Variants in NDST3 observed in about 807,000 individuals in gnomAD.
NDST3 encodes the protein N-deacetylase and N-sulfotransferase 3, also known as bifunctional heparan sulfate N-deacetylase/N-sulfotransferase 3.
NDST3 carries 58 observed loss-of-function variants against 96.1 expected under a neutral mutation model. That is an observed-to-expected ratio of 0.60 (90% CI 0.49 to 0.75). NDST3 has a LOEUF of 0.75. Among genes scored for constraint, NDST3 ranks in the 30% least tolerant of loss-of-function variants. The pLI is 0.00. For missense variants in NDST3, 788 were observed against 1,034.2 expected (o/e 0.76, Z 3.27); for synonymous variants, 333 against 359.7 (o/e 0.93, Z 0.84).
chr4:118,217,267 A>G (rs949771925), intron 6 of NDST3, among the ~76,000 whole-genome samples: 11 of 152,100 alleles, frequency 7.2e-5, no homozygotes, highest in Non-Finnish European at 1.6e-4. Context: ...TGCCCTGAGC[A>G]CAGAAGGGGT....
intron 12 of NDST3, among the ~76,000 whole-genome samples, chr4:118,242,631 A>G (rs1473791444): frequency 6.6e-6 from 1 of 152,156 alleles, no homozygotes; most frequent in Admixed American, 6.5e-5. Context: ...ATCGCTCCTA[A>G]ACAAACGTCC....
intron 7 of NDST3, 146 bp downstream of exon 7, chr4:118,224,819 T>A (rs1234415940): frequency 1.5e-6 from 1 of 652,664 alleles, no homozygotes; most frequent in African/African-American, 1.8e-5. Flanking sequence ...CTTCCTAAAC[T>A]GTAGTTGTAT....
intron 7 of NDST3, among the ~76,000 whole-genome samples, chr4:118,226,573 T>C (rs942996006): frequency 6.6e-6 from 1 of 152,134 alleles, no homozygotes; most frequent in Non-Finnish European, 1.5e-5. Context: ...GCATAATCTC[T>C]GCCCAGTAAG....
chr4:118,169,052 A>C (rs564121963), intron 6 of NDST3, among the ~76,000 whole-genome samples: 1 of 152,314 alleles, frequency 6.6e-6, no homozygotes, highest in Non-Finnish European at 1.5e-5. Context: ...CACACCTATA[A>C]TTAACAATAC....
intron 2 of NDST3, among the ~76,000 whole-genome samples, chr4:118,076,061 T>C (rs1388169238): frequency 6.6e-6 from 1 of 152,204 alleles, no homozygotes; most frequent in Non-Finnish European, 1.5e-5. Context: ...TTATGATGCT[T>C]AGTTTGGCTG....
chr4:118,193,092 C>G (rs1737420905), intron 6 of NDST3, among the ~76,000 whole-genome samples: 1 of 152,116 alleles, frequency 6.6e-6, no homozygotes, highest in African/African-American at 2.4e-5. Flanking sequence ...TACCACTTGC[C>G]TCTTCTACCC....
chr4:118,201,437 A>G (rs191371366), intron 6 of NDST3, among the ~76,000 whole-genome samples: 1 of 152,238 alleles, frequency 6.6e-6, no homozygotes, highest in Admixed American at 6.5e-5. Flanking sequence ...CCACATCTTC[A>G]CCAGCATCTG....
intron 3 of NDST3, among the ~76,000 whole-genome samples, chr4:118,111,454 A>G (rs1730625516): frequency 1.3e-5 from 2 of 152,176 alleles, no homozygotes; most frequent in South Asian, 4.1e-4. Flanking sequence ...AGGGAAGCAA[A>G]GAGTGGGCAA....
chr4:118,107,107 A>T (rs71627753), intron 3 of NDST3, among the ~76,000 whole-genome samples: 1 of 151,704 alleles, frequency 6.6e-6, no homozygotes, highest in African/African-American at 2.4e-5. Context: ...TAATAATAAT[A>T]ATAATCATCA....
intron 6 of NDST3, among the ~76,000 whole-genome samples, chr4:118,178,541 C>T (rs1364360416): frequency 6.6e-6 from 1 of 151,898 alleles, no homozygotes; most frequent in Non-Finnish European, 1.5e-5. Flanking sequence ...AGTAATATTC[C>T]ATTGTATGTA....
chr4:118,222,350 A>G (rs969739134), intron 6 of NDST3, among the ~76,000 whole-genome samples: 2 of 152,028 alleles, frequency 1.3e-5, no homozygotes, highest in Admixed American at 6.6e-5. Flanking sequence ...TTACATGTTC[A>G]GCAAAAGATA....
intron 3 of NDST3, 28 bp downstream of exon 3, chr4:118,105,133 T>A: frequency 6.5e-7 from 1 of 1,535,780 alleles, no homozygotes; most frequent in Non-Finnish European, 9.0e-7. Context: ...ACTGTTCTCA[T>A]TAAGGCTTCT....
chr4:118,045,585 T>C (rs1161631673), intron 1 of NDST3, among the ~76,000 whole-genome samples: 1 of 152,160 alleles, frequency 6.6e-6, no homozygotes, highest in African/African-American at 2.4e-5. Context: ...ACCATAAATA[T>C]CCTACAATTC....
chr4:118,079,507 C>G (rs28627299), intron 2 of NDST3, among the ~76,000 whole-genome samples: 2 of 151,880 alleles, frequency 1.3e-5, no homozygotes, highest in South Asian at 4.2e-4. Flanking sequence ...CTGGTGTAAT[C>G]GAGAGAGAGA....
At chr4:118,220,678 C>T (rs188659226) in intron 6 of NDST3, among the ~76,000 whole-genome samples, 2 of 152,014 alleles carry the variant, frequency 1.3e-5, no homozygotes, top group African/African-American at 4.8e-5. Flanking sequence ...TCTGTATGAA[C>T]CAGTTCTCTT....
At chr4:118,171,336 G>T (rs2125937592) in intron 6 of NDST3, among the ~76,000 whole-genome samples, 1 of 152,286 alleles carries the variant, frequency 6.6e-6, no homozygotes, top group East Asian at 1.9e-4. Flanking sequence ...CACTCAAATT[G>T]GGAGTTTCAC....
At chr4:118,143,459 T>A in intron 5 of NDST3, 97 bp from the exon 6 acceptor site, 1 of 1,288,214 alleles carries the variant, frequency 7.8e-7, no homozygotes, top group Non-Finnish European at 1.1e-6. Flanking sequence ...AATAATTCAC[T>A]AGCTTGTGCA....
chr4:118,137,349 CTT>C (rs943230386), intron 4 of NDST3, among the ~76,000 whole-genome samples: 1 of 145,414 alleles, frequency 6.9e-6, no homozygotes, highest in Non-Finnish European at 1.5e-5. Flanking sequence ...TCCTCTATGC[CTT>C]TTTTTTTTTA....
intron 6 of NDST3, among the ~76,000 whole-genome samples, chr4:118,144,390 C>T (rs746777841): frequency 7.2e-5 from 11 of 152,080 alleles, no homozygotes; most frequent in Non-Finnish European, 1.6e-4. Context: ...CTGTGTTAGC[C>T]AGGATGGTCT....
Sources: gnomAD v4.1 joint callset for allele counts (sites outside exome capture counted in the v4.1 genomes callset) on GRCh38, gnomAD v4.1.1 for gene constraint, MANE v1.5 for transcripts, NCBI Gene and HGNC (gene_info 2026-07-23, HGNC 2026-07-21) for gene names.